CRIM1: variants seen among roughly 807,000 people sequenced by gnomAD.
CRIM1 encodes the protein cysteine rich transmembrane BMP regulator 1.
Under a neutral mutation model 116.4 loss-of-function variants are expected in CRIM1, and 32 were observed. The ratio of observed to expected loss-of-function variants is 0.27; its 90% confidence interval spans 0.21 to 0.37. The LOEUF (loss-of-function observed/expected upper bound fraction) is 0.37. Among genes scored for constraint, CRIM1 ranks in the 10% least tolerant of loss-of-function variants. The pLI is 1.00. For synonymous variants in CRIM1, 590 were observed against 509.2 expected (o/e 1.16, Z -2.13); for missense variants, 1,331 against 1,354.8 (o/e 0.98, Z 0.28).
chr2:36,548,715 G>C lies in CRIM1; in HGVS notation c.*14G>C, dbSNP rs1396121041. ...CAAACAGTGTGAAGAAAGGCAACTA[G>C]GATGAGGTTTCAAAAGACGGAAGAC... On this transcript the variant is annotated 3_prime_UTR_variant, in exon 17 of 17. Transcript: ENST00000280527. The C allele has an allele frequency of 1.9e-6, 3 of 1,563,420 alleles. No individual in the cohort carries two copies. Among genetic ancestry groups the C allele is most frequent in the African/African-American group, 1.4e-5 (1 of 72,266 alleles).
At chr2:36,462,861 C>G (rs1486629601) in intron 4 of CRIM1, among the ~76,000 whole-genome samples, 1 of 152,150 alleles carries the variant, frequency 6.6e-6, no homozygotes, top group Non-Finnish European at 1.5e-5. Context: ...ACTGCAATGG[C>G]TAGGGATATA....
intron 2 of CRIM1, among the ~76,000 whole-genome samples, chr2:36,411,172 G>T (rs1045646937): frequency 3.9e-5 from 6 of 152,156 alleles, no homozygotes; most frequent in Non-Finnish European, 7.3e-5. Flanking sequence ...AGGACCTTCA[G>T]ATTGCCTTCT....
chr2:36,475,702 G>T (rs1572825667), intron 5 of CRIM1, among the ~76,000 whole-genome samples: 1 of 152,322 alleles, frequency 6.6e-6, no homozygotes, highest in African/African-American at 2.4e-5. Flanking sequence ...TAAGTATGAG[G>T]TTAGCTGTAG....
chr2:36,468,468 G>A (rs1358909206), intron 5 of CRIM1, among the ~76,000 whole-genome samples: 2 of 152,130 alleles, frequency 1.3e-5, no homozygotes, highest in South Asian at 2.1e-4. Flanking sequence ...TCTGACAAGC[G>A]CCGAAAGGAG....
intron 1 of CRIM1, among the ~76,000 whole-genome samples, chr2:36,364,651 AC>A (rs1317370969): frequency 7.2e-5 from 11 of 152,182 alleles, no homozygotes; most frequent in Admixed American, 7.2e-4. Context: ...TTGGGGCTAG[AC>A]AAACCTGCAT....
chr2:36,383,134 AACTGC>A (rs530543621), intron 1 of CRIM1, among the ~76,000 whole-genome samples: 230 of 152,346 alleles, frequency 1.5e-3, no homozygotes, highest in African/African-American at 5.4e-3. Flanking sequence ...TTATCTACTT[AACTGC>A]ATGTGGGAAT....
rs139977247 is a variant in CRIM1, at chr2:36,537,525, A to G, written c.2602A>G (p.Ser868Gly). The G allele has an allele frequency of 2.4e-5, 39 of 1,612,218 alleles. No individual in the cohort carries two copies. Among genetic ancestry groups the G allele is most frequent in the Non-Finnish European group, 3.1e-5 (36 of 1,179,338 alleles). ...TGTTGAGCCCATCAACGTGGAAGGA[A>G]GTTGCTGCCCAATGTGTCCAGGTAT... ...PCVEPINVEG[S>G]CCPMCPEMYV... Residue 868 changes from serine (S) to glycine (G), a missense_variant, in exon 14 of 17, where the codon AGT (serine) becomes GGT (glycine). Coordinates refer to ENST00000280527, the MANE Select transcript of CRIM1 (RefSeq NM_016441.3).
intron 2 of CRIM1, among the ~76,000 whole-genome samples, chr2:36,426,477 G>T (rs1427459571): frequency 6.6e-6 from 1 of 152,044 alleles, no homozygotes; most frequent in Admixed American, 6.6e-5. Flanking sequence ...AGAATATCTG[G>T]CTATAGGATT....
intron 2 of CRIM1, among the ~76,000 whole-genome samples, chr2:36,406,382 A>T (rs577170342): frequency 6.6e-6 from 1 of 152,234 alleles, no homozygotes; most frequent in African/African-American, 2.4e-5. Context: ...ATACTCATTG[A>T]TAGTGGAATA....
chr2:36,509,467 C>T (rs1431053007), intron 8 of CRIM1, among the ~76,000 whole-genome samples: 1 of 152,158 alleles, frequency 6.6e-6, no homozygotes, highest in African/African-American at 2.4e-5. Context: ...ACAGAAGTTG[C>T]AGTGAGCCGA....
intron 1 of CRIM1, among the ~76,000 whole-genome samples, chr2:36,390,691 C>T (rs188973828): frequency 3.4e-4 from 52 of 152,092 alleles, no homozygotes; most frequent in African/African-American, 1.1e-3. Context: ...ATTTTAACCA[C>T]GAGAGCAGTC....
In CRIM1 at chr2:36,406,230, G is replaced by T. The variant is rs554629889; in HGVS notation, c.505+9443G>T. On this transcript the variant is annotated intron_variant, in intron 2 of 16. Coordinates refer to ENST00000280527, the MANE Select transcript of CRIM1 (RefSeq NM_016441.3). ...ATAGCAGAGTTAAACTAATAAGACA[G>T]TCGTTACAAATTATCACCACTGTAA... 3.9e-5 allele frequency among the ~76,000 whole-genome samples: 6 copies of T among 152,308 alleles called. No homozygotes were observed. In the South Asian group the frequency reaches 1.2e-3, roughly 32 times the overall value.
intron 4 of CRIM1, among the ~76,000 whole-genome samples, chr2:36,450,118 C>T (rs141937615): frequency 1.5e-4 from 23 of 152,168 alleles, no homozygotes; most frequent in Middle Eastern, 3.4e-3. Flanking sequence ...AGGCTGACTC[C>T]GCAAGATAAG....
At chr2:36,371,590 A>G (rs898965005) in intron 1 of CRIM1, among the ~76,000 whole-genome samples, 3 of 152,238 alleles carry the variant, frequency 2.0e-5, no homozygotes, top group Non-Finnish European at 2.9e-5. Flanking sequence ...CAAACTGGTT[A>G]ACTTTGCTCA....
intron 5 of CRIM1, 55 bp downstream of exon 5, chr2:36,464,710 A>AG: frequency 6.3e-7 from 1 of 1,590,056 alleles, no homozygotes; most frequent in Non-Finnish European, 8.6e-7. Context: ...GAGGAGGAGG[A>AG]GGGAGGGTTC....
Position 36,544,986 on chromosome 2 carries a change from C to T in CRIM1, c.2746+488C>T, listed in dbSNP as rs553637660. Reference sequence around the variant, plus strand: ...TTGATTTTTCTAGTCACCAGGTTTACTCCATGCCTTTTTATCTTGCTCTAT... The same window carrying T: ...TTGATTTTTCTAGTCACCAGGTTTATTCCATGCCTTTTTATCTTGCTCTAT... On this transcript the variant is annotated intron_variant, in intron 15 of 16. Coordinates refer to ENST00000280527, the MANE Select transcript of CRIM1 (RefSeq NM_016441.3). 2.0e-4 allele frequency among the ~76,000 whole-genome samples: 30 copies of T among 152,284 alleles called. 2 individuals are homozygous for T. The South Asian group carries it at 4.4e-3, about 22-fold the overall frequency.
At chr2:36,546,474 T>G (rs528495395) in intron 15 of CRIM1, among the ~76,000 whole-genome samples, 1 of 152,210 alleles carries the variant, frequency 6.6e-6, no homozygotes, top group East Asian at 1.9e-4. Flanking sequence ...TGAACCAGAG[T>G]ATCAACCAAA....
chr2:36,391,436 A>AT lies in CRIM1; in HGVS notation c.332-5171dup, dbSNP rs545262301. 2.1e-3 allele frequency among the ~76,000 whole-genome samples: 322 copies of AT among 152,036 alleles called. 1 individual carries two copies. The highest frequency in any genetic ancestry group is 7.3e-3 in the African/African-American group (302 of 41,442). ...AGCCACCGCGCCCGGCCCACTTTTGATTTTTTTAGAACATTAATGTGCTGG... is the reference window on the plus strand; with the variant it reads ...AGCCACCGCGCCCGGCCCACTTTTGATTTTTTTTAGAACATTAATGTGCTGG... On this transcript the variant is annotated intron_variant, in intron 1 of 16. Coordinates refer to ENST00000280527, the MANE Select transcript of CRIM1 (RefSeq NM_016441.3).
chr2:36,437,147 G>A (rs952951952), intron 2 of CRIM1, among the ~76,000 whole-genome samples: 4 of 152,302 alleles, frequency 2.6e-5, no homozygotes, highest in African/African-American at 4.8e-5. Flanking sequence ...AGGCCGAGGC[G>A]GGCAGATCAC....
Sources: gnomAD v4.1 joint callset for allele counts (sites outside exome capture counted in the v4.1 genomes callset) on GRCh38, gnomAD v4.1.1 for gene constraint, MANE v1.5 for transcripts, NCBI Gene and HGNC (gene_info 2026-07-23, HGNC 2026-07-21) for gene names.